RBFOX1: variants seen among roughly 807,000 people sequenced by gnomAD.
The protein encoded by RBFOX1 is RNA binding protein fox-1 homolog 1.
Under a neutral mutation model 57.7 loss-of-function variants are expected in RBFOX1, and 8 were observed. The ratio of observed to expected loss-of-function variants is 0.14; its 90% CI spans 0.08 to 0.25. The LOEUF (loss-of-function observed/expected upper bound fraction) is 0.25. RBFOX1 is among the 10% of genes least tolerant of loss of function. RBFOX1 has a pLI of 1.00. For missense variants in RBFOX1, 611 were observed against 548.5 expected, an observed-to-expected ratio of 1.11 and a Z score of -1.14; for synonymous variants, 326 against 222.4, an observed-to-expected ratio of 1.47 and a Z score of -4.15.
chr16:6,953,768 G>T (rs997844688), intron 3 of RBFOX1, among the ~76,000 whole-genome samples: 3 of 152,106 alleles, frequency 2.0e-5, no homozygotes, highest in Non-Finnish European at 4.4e-5. Context: ...GCATTTCATA[G>T]GCTTGTCTTT....
intron 3 of RBFOX1, among the ~76,000 whole-genome samples, chr16:6,899,918 C>T (rs1392792552): frequency 6.6e-6 from 1 of 152,146 alleles, no homozygotes; most frequent in Admixed American, 6.5e-5. Context: ...ATGTTCTGAC[C>T]ATAACCATTT....
At chr16:6,981,042 C>A (rs1274875282) in intron 3 of RBFOX1, among the ~76,000 whole-genome samples, 255 of 77,280 alleles carry the variant, frequency 3.3e-3, no homozygotes, top group Admixed American at 4.5e-3. Context: ...GTCTCAGTCT[C>A]AAAAAAAAAA....
At chr16:6,407,429 T>C (rs1332039453) in intron 2 of RBFOX1, among the ~76,000 whole-genome samples, 1 of 152,152 alleles carries the variant, frequency 6.6e-6, no homozygotes, top group Non-Finnish European at 1.5e-5. Context: ...GCTTATATAC[T>C]ATCTCTATAT....
At chr16:6,687,803 C>G (rs1006934982) in intron 3 of RBFOX1, among the ~76,000 whole-genome samples, 8 of 152,138 alleles carry the variant, frequency 5.3e-5, no homozygotes, top group African/African-American at 1.9e-4. Context: ...TCCCTATTGG[C>G]TAGAACAAGT....
At chr16:6,226,764 G>A (rs1427423389) in intron 1 of RBFOX1, among the ~76,000 whole-genome samples, 2 of 151,926 alleles carry the variant, frequency 1.3e-5, no homozygotes, top group African/African-American at 4.8e-5. Context: ...TTAAAATGAA[G>A]TTGTAACAGT....
At chr16:5,692,984 A>G (rs2050737335) in intron 3 of RBFOX1, among the ~76,000 whole-genome samples, 1 of 152,202 alleles carries the variant, frequency 6.6e-6, no homozygotes, top group Admixed American at 6.5e-5. Context: ...GACTCACTAC[A>G]CAATTCACTA....
At chr16:6,509,295 G>C (rs187301898) in intron 2 of RBFOX1, among the ~76,000 whole-genome samples, 4 of 152,204 alleles carry the variant, frequency 2.6e-5, no homozygotes, top group Admixed American at 2.0e-4. Flanking sequence ...TTAATCCCTT[G>C]TCAGATAAAT....
intron 3 of RBFOX1, among the ~76,000 whole-genome samples, chr16:6,876,345 C>G (rs888088569): frequency 6.6e-6 from 1 of 152,098 alleles, no homozygotes; most frequent in Non-Finnish European, 1.5e-5. Context: ...GACTATTCCA[C>G]CATCAAAGAA....
At chr16:6,478,156 A>G (rs2095303315) in intron 2 of RBFOX1, among the ~76,000 whole-genome samples, 1 of 151,080 alleles carries the variant, frequency 6.6e-6, no homozygotes, top group African/African-American at 2.4e-5. Context: ...ACTTTCCTTT[A>G]ATAACTTTTT....
At chr16:7,522,530 A>G (rs560801994) in intron 5 of RBFOX1, among the ~76,000 whole-genome samples, 9 of 152,182 alleles carry the variant, frequency 5.9e-5, no homozygotes, top group Non-Finnish European at 1.2e-4. Context: ...TTGAGGAATA[A>G]CTGTGATATG....
chr16:7,094,254 A>T (rs145229679), intron 4 of RBFOX1, among the ~76,000 whole-genome samples: 5 of 152,234 alleles, frequency 3.3e-5, no homozygotes, highest in African/African-American at 1.2e-4. Context: ...GAACAAATTG[A>T]AAAATTGATA....
intron 3 of RBFOX1, among the ~76,000 whole-genome samples, chr16:7,021,883 CTT>C (rs1463921931): frequency 1.6e-5 from 2 of 123,916 alleles, no homozygotes; most frequent in African/African-American, 6.9e-5. Flanking sequence ...CTTTCTCTCT[CTT>C]TCTTTCTTTC....
intron 1 of RBFOX1, among the ~76,000 whole-genome samples, chr16:6,217,981 A>G (rs144778252): frequency 5.9e-5 from 9 of 152,312 alleles, no homozygotes; most frequent in Admixed American, 2.0e-4. Context: ...CTGCCACTGC[A>G]TTCTAGCCTG....
chr16:7,505,550 TA>T lies in RBFOX1; in HGVS notation c.28-12594del, dbSNP rs2072995622. On this transcript the variant is annotated intron_variant, in intron 4 of 15. Transcript: ENST00000550418. Reference sequence around the variant, plus strand: ...GGTCTCTGACTTGTACAGAGTACCATAAATATTTTATTGTCAGTGACTTTTA... The same window carrying T: ...GGTCTCTGACTTGTACAGAGTACCATAATATTTTATTGTCAGTGACTTTTA... Among the ~76,000 whole-genome samples, 3 of 152,350 alleles carry T rather than the reference TA, an allele frequency of 2.0e-5. No homozygotes were observed. In the East Asian group the frequency reaches 5.8e-4, roughly 29 times the overall value.
Position 7,499,497 on chromosome 16 carries a change from C to T in RBFOX1, c.28-18650C>T, listed in dbSNP as rs961182579. Among the ~76,000 whole-genome samples the T allele has an allele frequency of 3.3e-5, 5 of 152,134 alleles. No individual in the cohort carries two copies. In the East Asian group the frequency reaches 9.7e-4, roughly 29 times the overall value. On this transcript the variant is annotated intron_variant, in intron 4 of 15. Coordinates refer to ENST00000550418, the MANE Select transcript of RBFOX1 (RefSeq NM_018723.4). ...GAAAATAAGACAATTCAACCAATAA[C>T]AGTATGTGTTCAATAAATTCAAGTC...
chr16:5,912,594 T>C (rs1237406875), intron 4 of RBFOX1, among the ~76,000 whole-genome samples: 1 of 152,176 alleles, frequency 6.6e-6, no homozygotes, highest in Non-Finnish European at 1.5e-5. Flanking sequence ...CACAAGAACT[T>C]GGTAGGCATC....
At chr16:7,053,511 A>G (rs2050822602) in intron 4 of RBFOX1, among the ~76,000 whole-genome samples, 1 of 152,184 alleles carries the variant, frequency 6.6e-6, no homozygotes, top group Non-Finnish European at 1.5e-5. Context: ...CTAGATAAAG[A>G]GAAATATGTG....
At chr16:5,869,558 T>C (rs1002845023) in intron 4 of RBFOX1, among the ~76,000 whole-genome samples, 3 of 152,114 alleles carry the variant, frequency 2.0e-5, no homozygotes, top group African/African-American at 4.8e-5. Flanking sequence ...CGTGCCACCA[T>C]GCCTAGCTAG....
intron 4 of RBFOX1, among the ~76,000 whole-genome samples, chr16:7,152,375 T>C (rs755552101): frequency 1.3e-5 from 2 of 152,214 alleles, no homozygotes; most frequent in Non-Finnish European, 2.9e-5. Flanking sequence ...ACTCCATGGT[T>C]GCATCCAGTA....
Sources: allele counts gnomAD v4.1 joint callset (sites outside exome capture counted in the v4.1 genomes callset), GRCh38; gene constraint gnomAD v4.1.1; transcripts MANE v1.5; gene names NCBI Gene and HGNC (gene_info 2026-07-23, HGNC 2026-07-21).